PAPPA2: variants seen among roughly 807,000 people sequenced by gnomAD.
The protein encoded by PAPPA2 is pappalysin-2.
Under a neutral mutation model 176.4 loss-of-function variants are expected in PAPPA2, and 86 were observed. The ratio of observed to expected loss-of-function variants is 0.49; its 90% confidence interval spans 0.41 to 0.58. PAPPA2 has a LOEUF of 0.58. Ranked by LOEUF, PAPPA2 falls within the 20% of genes least tolerant of loss-of-function variation. The pLI is 0.00. For synonymous variants in PAPPA2, 809 were observed against 852.2 expected (o/e 0.95, Z 0.88); for missense variants, 2,073 against 2,256.9 (o/e 0.92, Z 1.65).
At chr1:176,645,555 G>C (rs910222861) in intron 3 of PAPPA2, among the ~76,000 whole-genome samples, 7 of 151,694 alleles carry the variant, frequency 4.6e-5, no homozygotes, top group African/African-American at 1.7e-4. Context: ...GTAAACATGG[G>C]AGTGTAAATA....
intron 21 of PAPPA2, among the ~76,000 whole-genome samples, chr1:176,829,948 T>A (rs1481840778): frequency 6.6e-6 from 1 of 152,202 alleles, no homozygotes; most frequent in Non-Finnish European, 1.5e-5. Flanking sequence ...TAGTCTTAAG[T>A]TTGATGTCTG....
intron 1 of PAPPA2, among the ~76,000 whole-genome samples, chr1:176,484,064 C>T (rs10913183): frequency 0.079 from 12,073 of 152,244 alleles, 595 homozygotes; most frequent in South Asian, 0.16. Context: ...ACTACTACCT[C>T]CCTGGTCCAA....
chr1:176,537,719 A>AGTGTGTGTGTGTGTGT (rs57602344), intron 1 of PAPPA2, among the ~76,000 whole-genome samples: 33 of 143,926 alleles, frequency 2.3e-4, no homozygotes, highest in African/African-American at 5.4e-4. Context: ...GTAGGTATGG[A>AGTGTGTGTGTGTGTGT]GTGTGTGTGT....
rs576930393 is a variant in PAPPA2, at chr1:176,573,320, G to C, written c.919+16079G>C. 2.4e-4 allele frequency among the ~76,000 whole-genome samples: 37 copies of C among 152,284 alleles called. No individual in the cohort carries two copies. In the South Asian group the frequency reaches 7.7e-3, roughly 32 times the overall value. On this transcript the variant is annotated intron_variant, in intron 2 of 22. Coordinates refer to ENST00000367662, the MANE Select transcript of PAPPA2 (RefSeq NM_020318.3). ...AGGTGGAAGATCATCTTGATAGAAA[G>C]AGAAGCCTACAGGTAGCTCTCCACT...
At chr1:176,636,956 A>G (rs1267617696) in intron 3 of PAPPA2, among the ~76,000 whole-genome samples, 2 of 152,132 alleles carry the variant, frequency 1.3e-5, no homozygotes, top group Non-Finnish European at 2.9e-5. Context: ...TTGTGTTAAA[A>G]TAAGATATGG....
intron 1 of PAPPA2, among the ~76,000 whole-genome samples, chr1:176,498,816 A>G (rs1405215958): frequency 6.6e-6 from 1 of 151,748 alleles, no homozygotes; most frequent in East Asian, 1.9e-4. Context: ...CTTTCTGGAA[A>G]TGCTGGTCAG....
At chr1:176,835,929 AG>A (rs770717217) in intron 21 of PAPPA2, among the ~76,000 whole-genome samples, 7 of 152,216 alleles carry the variant, frequency 4.6e-5, no homozygotes, top group Admixed American at 6.5e-5. Flanking sequence ...ACCTTGTGCT[AG>A]GGCTCTAGTC....
At chr1:176,794,439 T>C (rs192791500) in intron 20 of PAPPA2, among the ~76,000 whole-genome samples, 3 of 152,316 alleles carry the variant, frequency 2.0e-5, no homozygotes, top group Admixed American at 6.5e-5. Flanking sequence ...GTTCACTTAG[T>C]ACAAATCTTA....
chr1:176,797,730 CT>C (rs1216653845), intron 20 of PAPPA2, among the ~76,000 whole-genome samples: 2 of 152,122 alleles, frequency 1.3e-5, no homozygotes, highest in Non-Finnish European at 2.9e-5. Context: ...GTCCATCTCA[CT>C]GCTTTGCTTT....
intron 1 of PAPPA2, among the ~76,000 whole-genome samples, chr1:176,513,198 A>T (rs190058042): frequency 4.9e-4 from 75 of 151,890 alleles, no homozygotes; most frequent in African/African-American, 1.8e-3. Flanking sequence ...CATCATCACC[A>T]TCTATATCTT....
chr1:176,611,976 C>T (rs1654951392), intron 3 of PAPPA2, among the ~76,000 whole-genome samples: 1 of 152,188 alleles, frequency 6.6e-6, no homozygotes, highest in Non-Finnish European at 1.5e-5. Flanking sequence ...ATCCATTCAT[C>T]TGTTTAGGTG....
chr1:176,697,534 A>G (rs1660443327), intron 7 of PAPPA2, among the ~76,000 whole-genome samples: 2 of 152,326 alleles, frequency 1.3e-5, no homozygotes, highest in East Asian at 3.8e-4. Context: ...GCACAAACAC[A>G]TGTATTTATA....
chr1:176,690,014 A>G, intron 4 of PAPPA2, 123 bp from the exon 5 acceptor site: 1 of 865,076 alleles, frequency 1.2e-6, no homozygotes, highest in Non-Finnish European at 1.8e-6. Flanking sequence ...ATGTTACCAG[A>G]AGTTATAAAG....
At chr1:176,651,839 T>C (rs1308789906) in intron 3 of PAPPA2, among the ~76,000 whole-genome samples, 1 of 151,656 alleles carries the variant, frequency 6.6e-6, no homozygotes, top group Non-Finnish European at 1.5e-5. Context: ...TTCTTTTTTC[T>C]TTTTTCTCTT....
chr1:176,740,080 C>T lies in PAPPA2; in HGVS notation c.4035C>T (p.Phe1345=). 1 of 1,613,948 alleles carries T rather than the reference C, an allele frequency of 6.2e-7. No homozygotes were observed. Among genetic ancestry groups the T allele is most frequent in the Non-Finnish European group, 8.5e-7 (1 of 1,179,888 alleles). ...FHHTTSVLLN[F]SSPRVGISAV... Reference sequence around the variant, plus strand: ...ATACCACCTCAGTGCTGCTGAATTTCTCATCCCCACGGGTCGGCATCTCAG... The same window carrying T: ...ATACCACCTCAGTGCTGCTGAATTTTTCATCCCCACGGGTCGGCATCTCAG... Residue 1345 remains phenylalanine, a synonymous_variant, in exon 14 of 23, where the codon TTC becomes TTT. Transcript: ENST00000367662.
chr1:176,545,420 AAATAAATAAATAAAT>A (rs2102572519), intron 1 of PAPPA2, among the ~76,000 whole-genome samples: 2 of 91,426 alleles, frequency 2.2e-5, no homozygotes, highest in South Asian at 6.9e-4. Flanking sequence ...CAGAAAAAAT[AAATAAATAAATAAAT>A]AAATAAATAA....
intron 3 of PAPPA2, among the ~76,000 whole-genome samples, chr1:176,660,462 G>T (rs1011007957): frequency 6.6e-6 from 1 of 151,854 alleles, no homozygotes; most frequent in African/African-American, 2.4e-5. Flanking sequence ...CATGTCGTTC[G>T]CAAATTTGAC....
At chr1:176,821,680 C>T (rs1298538941) in intron 21 of PAPPA2, among the ~76,000 whole-genome samples, 1 of 152,142 alleles carries the variant, frequency 6.6e-6, no homozygotes, top group South Asian at 2.1e-4. Context: ...TTAAGGCATG[C>T]TCATGCATTT....
intron 1 of PAPPA2, among the ~76,000 whole-genome samples, chr1:176,512,456 A>T (rs1648663483): frequency 6.6e-6 from 1 of 152,202 alleles, no homozygotes; most frequent in African/African-American, 2.4e-5. Flanking sequence ...CAAAAGCATT[A>T]TGCCAAGTAA....
Sources: gnomAD v4.1 joint callset for allele counts (sites outside exome capture counted in the v4.1 genomes callset) on GRCh38, gnomAD v4.1.1 for gene constraint, MANE v1.5 for transcripts, NCBI Gene and HGNC (gene_info 2026-07-23, HGNC 2026-07-21) for gene names.